Variants in SCN4A observed in about 807,000 individuals in gnomAD.
SCN4A encodes sodium channel protein type 4 subunit alpha.
SCN4A carries 83 observed loss-of-function variants against 162.0 expected under a neutral mutation model. That is an observed-to-expected ratio of 0.51 (90% CI 0.43 to 0.61). The LOEUF is 0.61. Among genes scored for constraint, SCN4A ranks in the 20% least tolerant of loss-of-function variants. The pLI is 0.00. For missense variants in SCN4A, 2,196 were observed against 2,462.5 expected, an observed-to-expected ratio of 0.89 and a Z score of 2.29; for synonymous variants, 944 against 985.1, an observed-to-expected ratio of 0.96 and a Z score of 0.78.
chr17:63,965,777 G>A (rs563140016), intron 8 of SCN4A, among the ~76,000 whole-genome samples: 50 of 152,336 alleles, frequency 3.3e-4, no homozygotes, highest in African/African-American at 1.2e-3. Flanking sequence ...GTGAGCCACC[G>A]CGCCCGGCAG....
intron 6 of SCN4A, among the ~76,000 whole-genome samples, chr17:63,967,031 G>A (rs1909470834): frequency 6.6e-6 from 1 of 152,224 alleles, no homozygotes; most frequent in South Asian, 2.1e-4. Flanking sequence ...GGGTGTGTGG[G>A]TGGGTGATGG....
intron 10 of SCN4A, among the ~76,000 whole-genome samples, chr17:63,962,859 G>A (rs940478832): frequency 6.6e-6 from 1 of 152,162 alleles, no homozygotes; most frequent in African/African-American, 2.4e-5. Context: ...GGTACCCTCT[G>A]GCAGGGCATA....
intron 6 of SCN4A, among the ~76,000 whole-genome samples, chr17:63,967,343 G>A (rs12940774): frequency 0.02 from 3,105 of 152,072 alleles, 60 homozygotes; most frequent in Non-Finnish European, 0.026. Context: ...GGTAGAGACG[G>A]GGTTTCACCA....
intron 18 of SCN4A, among the ~76,000 whole-genome samples, chr17:63,946,269 T>C (rs1411576737): frequency 6.6e-6 from 1 of 152,046 alleles, no homozygotes; most frequent in Admixed American, 6.5e-5. Context: ...ACAGGCAGCT[T>C]GTTTCCCCTC....
At chr17:63,943,674 C>T in intron 22 of SCN4A, 72 bp downstream of exon 22, 1 of 990,002 alleles carries the variant, frequency 1.0e-6, no homozygotes, top group Admixed American at 2.0e-5. Context: ...GGCAGGAAAC[C>T]TTTTACCCCC....
Position 63,945,428 on chromosome 17 carries a change from C to A in SCN4A, c.3652G>T (p.Val1218Phe), listed in dbSNP as rs762755666. ...TTGACCTTGACATTGAGCCAGCGGA[C>A]CTGGCCTGTGTGCATGAGGCTCTCG... ...ECESLMHTGQ[V>F]RWLNVKVNYD... Residue 1218 changes from valine (V) to phenylalanine (F), a missense_variant, in exon 19 of 24, where the codon GTC (valine) becomes TTC (phenylalanine). Physicochemically the swap from Val to Phe is conservative, Grantham distance 50. Coordinates refer to ENST00000435607, the MANE Select transcript of SCN4A (RefSeq NM_000334.4). This position sits in a 1 kb window ranked among gnomAD's most constrained non-coding sequence, Gnocchi z 4.4. 2 of 1,613,918 alleles carry A rather than the reference C, an allele frequency of 1.2e-6. No homozygotes were observed. Among genetic ancestry groups the A allele is most frequent in the Non-Finnish European group, 1.7e-6 (2 of 1,179,844 alleles).
In SCN4A at chr17:63,949,419, TC is replaced by T. The variant is rs745849103; in HGVS notation, c.2962del (p.Glu988SerfsTer53). ...EEQAEENPEG[E>X]QPEECFTEAC... Reference sequence around the variant, plus strand: ...CTCAGTGAAGCACTCCTCAGGCTGCTCCCCCTCGGGGTTCTCCTCTGCCTGC... The same window carrying T: ...CTCAGTGAAGCACTCCTCAGGCTGCTCCCCTCGGGGTTCTCCTCTGCCTGC... On this transcript the variant is annotated frameshift_variant, in exon 15 of 24. Transcript: ENST00000435607. LOFTEE classifies it high-confidence loss of function. 2 of 1,591,638 alleles carry T rather than the reference TC, an allele frequency of 1.3e-6. No individual in the cohort carries two copies. The highest frequency in any genetic ancestry group is 1.1e-5 in the South Asian group (1 of 88,110).
At chr17:63,958,668 T>A (rs972304773) in intron 12 of SCN4A, among the ~76,000 whole-genome samples, 1 of 152,172 alleles carries the variant, frequency 6.6e-6, no homozygotes, top group Non-Finnish European at 1.5e-5. Context: ...TTCTCCTGCC[T>A]CAGCCTCCCA....
rs1909618251 is a variant in SCN4A, at chr17:63,971,823, A to G, written c.510T>C (p.Phe170=). ...GGGCCAGTATCTTGATGAGGGACTC[A>G]AAGGTGTAGATCCCTGTGAAGGTGT... ...VEYTFTGIYT[F]ESLIKILARG... Residue 170 remains phenylalanine (F), a synonymous_variant, in exon 4 of 24, where the codon TTT becomes TTC. Coordinates refer to ENST00000435607, the MANE Select transcript of SCN4A (RefSeq NM_000334.4). The G allele has an allele frequency of 6.2e-7, 1 of 1,613,662 alleles. No individual in the cohort carries two copies. The highest frequency in any genetic ancestry group is 8.5e-7 in the Non-Finnish European group (1 of 1,179,810).
rs1335627360 is a variant in SCN4A at position 63,951,812 on chromosome 17, A to T, written c.2465T>A (p.Leu822Gln). 5 of 1,582,872 alleles carry T rather than the reference A, an allele frequency of 3.2e-6. No homozygotes were observed. In the Admixed American group the frequency reaches 9.0e-5, roughly 29 times the overall value. Residue 822 changes from leucine to glutamine, a missense_variant, in exon 14 of 24, where the codon CTG becomes CAG. Leu to Gln is a moderately radical substitution (Grantham distance 113). Coordinates refer to ENST00000435607, the MANE Select transcript of SCN4A (RefSeq NM_000334.4). The surrounding 1 kb of genome is among the most constrained non-coding windows in gnomAD (Gnocchi z 4.5). ...CTTGATGCGCCCGATGGCAATCTGCAGGTTGTTCATCTCGCCATCCTCATC... is the reference window on the plus strand; with the variant it reads ...CTTGATGCGCCCGATGGCAATCTGCTGGTTGTTCATCTCGCCATCCTCATC... ...ASDEDGEMNN[L>Q]QIAIGRIKLG...
At position 63,945,305 on chromosome 17, in the gene SCN4A, G is replaced by T; in HGVS notation, c.3720+55C>A. On this transcript the variant is annotated intron_variant, in intron 19 of 23. Transcript: ENST00000435607. The surrounding 1 kb of genome is among the most constrained non-coding windows in gnomAD (Gnocchi z 4.4). ...TGGGGTTGGGTACAACGAGAGGACC[G>T]GGGTGGGGGGCACCTCCATCCAGGT... 1.3e-6 allele frequency: 2 copies of T among 1,484,970 alleles called. No homozygotes were observed. The highest frequency in any genetic ancestry group is 1.9e-6 in the Non-Finnish European group (2 of 1,075,172). 92.0% of individuals were successfully genotyped at this position (1,484,970 alleles called of 1,614,324 possible).
chr17:63,944,930 G>T lies in SCN4A; in HGVS notation c.3774+77C>A. 1 of 1,588,960 alleles carries T rather than the reference G, an allele frequency of 6.3e-7. No homozygotes were observed. The highest frequency in any genetic ancestry group is 8.6e-7 in the Non-Finnish European group (1 of 1,161,706). ...CTGCCAAGTCTCGGGGACAGAACGTGCTGCCAAGTCTCCCTCCTGTCTTGA... is the reference window on the plus strand; with the variant it reads ...CTGCCAAGTCTCGGGGACAGAACGTTCTGCCAAGTCTCCCTCCTGTCTTGA... On this transcript the variant is annotated intron_variant, in intron 20 of 23. Transcript: ENST00000435607. This position sits in a 1 kb window ranked among gnomAD's most constrained non-coding sequence, Gnocchi z 4.3.
In SCN4A at chr17:63,972,120, G is replaced by T; in HGVS notation, c.482+16C>A. Reference sequence around the variant, plus strand: ...GTGTCCCAGGGCTGGGGAGCTCAGGGAGCAGGGAGACTTACTCCACATTCT... The same window carrying T: ...GTGTCCCAGGGCTGGGGAGCTCAGGTAGCAGGGAGACTTACTCCACATTCT... On this transcript the variant is annotated intron_variant, in intron 3 of 23. Coordinates refer to ENST00000435607, the MANE Select transcript of SCN4A (RefSeq NM_000334.4). This position sits in a 1 kb window ranked among gnomAD's most constrained non-coding sequence, Gnocchi z 4.3. The T allele has an allele frequency of 6.3e-7, 1 of 1,597,370 alleles. No individual in the cohort carries two copies. The highest frequency in any genetic ancestry group is 8.6e-7 in the Non-Finnish European group (1 of 1,166,788).
chr17:63,965,067 C>T (rs1044602873), intron 8 of SCN4A, among the ~76,000 whole-genome samples: 7 of 152,144 alleles, frequency 4.6e-5, no homozygotes, highest in East Asian at 1.9e-4. Flanking sequence ...TATTTTTAGA[C>T]GTAGTCTCAC....
At chr17:63,947,006 C>G in intron 18 of SCN4A, 39 bp downstream of exon 18, 1 of 1,440,152 alleles carries the variant, frequency 6.9e-7, no homozygotes, top group Non-Finnish European at 9.6e-7. Flanking sequence ...GGCCGGTCCC[C>G]CATCCCCAGC....
At chr17:63,946,238 G>A (rs940510635) in intron 18 of SCN4A, among the ~76,000 whole-genome samples, 14 of 152,152 alleles carry the variant, frequency 9.2e-5, no homozygotes, top group African/African-American at 3.4e-4. Context: ...CCTGGTTGGG[G>A]CACTGACCAG....
At chr17:63,956,033 G>T (rs945029174) in intron 13 of SCN4A, among the ~76,000 whole-genome samples, 2 of 152,202 alleles carry the variant, frequency 1.3e-5, no homozygotes, top group Non-Finnish European at 2.9e-5. Context: ...GACCTCCACT[G>T]CCACCCCAAG....
At chr17:63,949,844 C>G in intron 14 of SCN4A, 1 of 218,362 alleles carries the variant, frequency 4.6e-6, no homozygotes, top group Non-Finnish European at 9.0e-6. Flanking sequence ...AGTGGGGGGT[C>G]TGGGAGGCAT....
chr17:63,951,382 GAA>G lies in SCN4A; in HGVS notation c.2853+40_2853+41del. 2 of 1,401,022 alleles carry G rather than the reference GAA, an allele frequency of 1.4e-6. No individual in the cohort carries two copies. The highest frequency in any genetic ancestry group is 1.9e-6 in the Non-Finnish European group (2 of 1,026,426). 86.8% of individuals were successfully genotyped at this position (1,401,022 alleles called of 1,614,324 possible). A position where few individuals can be genotyped will look rare whatever the true frequency, so the allele number is the denominator to read the frequency against. Reference sequence around the variant, plus strand: ...TTAGGGCTTGCTCCAGGTCACAGGAGAATTTGAAGCCGGGTCTGTCTGAGCCC... The same window carrying G: ...TTAGGGCTTGCTCCAGGTCACAGGAGTTTGAAGCCGGGTCTGTCTGAGCCC... On this transcript the variant is annotated intron_variant, in intron 14 of 23. Transcript: ENST00000435607. The surrounding 1 kb of genome is among the most constrained non-coding windows in gnomAD (Gnocchi z 4.5).
Sources: allele counts gnomAD v4.1 joint callset (sites outside exome capture counted in the v4.1 genomes callset), GRCh38; gene constraint gnomAD v4.1.1; non-coding constraint Gnocchi (gnomAD v3.1); transcripts MANE v1.5; gene names NCBI Gene and HGNC (gene_info 2026-07-23, HGNC 2026-07-21).